LDLRAD4: variants seen among roughly 807,000 people sequenced by gnomAD.
LDLRAD4 encodes low density lipoprotein receptor class A domain containing 4.
A neutral mutation model predicts 17.0 loss-of-function variants in LDLRAD4; 5 were observed. The ratio of observed to expected loss-of-function variants is 0.29; its 90% CI spans 0.15 to 0.62. The LOEUF (loss-of-function observed/expected upper bound fraction) is 0.62. Ranked by LOEUF, LDLRAD4 falls within the 20% of genes least tolerant of loss-of-function variation. The probability of loss-of-function intolerance (pLI) is 0.84; values close to 1 mark genes in which losing one functional copy is unlikely to be tolerated. For missense variants in LDLRAD4, 340 were observed against 424.7 expected (o/e 0.80, Z 1.75); for synonymous variants, 168 against 171.8 (o/e 0.98, Z 0.17).
intron 4 of LDLRAD4, among the ~76,000 whole-genome samples, chr18:13,637,132 T>G (rs59234353): frequency 0.049 from 7,376 of 152,082 alleles, 567 homozygotes; most frequent in African/African-American, 0.16. Context: ...GTTGTTGTTG[T>G]TGTTTTTTAC....
intron 3 of LDLRAD4, among the ~76,000 whole-genome samples, chr18:13,495,181 A>G (rs2093442261): frequency 6.6e-6 from 1 of 152,198 alleles, no homozygotes; most frequent in Non-Finnish European, 1.5e-5. Context: ...AGTGTACACC[A>G]GTAAATCTAC....
At chr18:13,539,212 G>A (rs1053801120) in intron 3 of LDLRAD4, among the ~76,000 whole-genome samples, 6 of 152,254 alleles carry the variant, frequency 3.9e-5, no homozygotes, top group Admixed American at 2.6e-4. Context: ...AGACCTCTGG[G>A]GAGACATGGG....
At chr18:13,462,067 G>A (rs1449382638) in intron 3 of LDLRAD4, 3 of 152,216 alleles carry the variant, frequency 2.0e-5, no homozygotes, top group Non-Finnish European at 4.4e-5. Flanking sequence ...CCTGCCTCAT[G>A]GGGTCACTGC....
intron 3 of LDLRAD4, among the ~76,000 whole-genome samples, chr18:13,601,672 A>G (rs137939920): frequency 3.9e-5 from 6 of 152,122 alleles, no homozygotes; most frequent in East Asian, 1.9e-4. Context: ...AAAAAGAAAA[A>G]AAAAGGAAAA....
At chr18:13,338,113 C>A (rs966135215) in intron 1 of LDLRAD4, among the ~76,000 whole-genome samples, 1 of 152,162 alleles carries the variant, frequency 6.6e-6, no homozygotes, top group Non-Finnish European at 1.5e-5. Context: ...ACTGCTGTGA[C>A]CCCGAAGGGA....
chr18:13,415,220 TC>T (rs1449211498), intron 2 of LDLRAD4, among the ~76,000 whole-genome samples: 1 of 152,144 alleles, frequency 6.6e-6, no homozygotes, highest in Non-Finnish European at 1.5e-5. Flanking sequence ...TTGAGTTTCC[TC>T]CTCAGTTAAG....
chr18:13,455,599 G>C (rs373671637), intron 3 of LDLRAD4, among the ~76,000 whole-genome samples: 94 of 152,274 alleles, frequency 6.2e-4, no homozygotes, highest in African/African-American at 2.1e-3. Context: ...CCTCTGATGA[G>C]CTGGGCCGGA....
At chr18:13,594,352 A>G (rs974789931) in intron 3 of LDLRAD4, among the ~76,000 whole-genome samples, 9 of 152,148 alleles carry the variant, frequency 5.9e-5, no homozygotes, top group Non-Finnish European at 1.3e-4. Context: ...TTGTTTGTGT[A>G]TACTCATAAT....
intron 1 of LDLRAD4, among the ~76,000 whole-genome samples, chr18:13,316,088 C>A (rs979525777): frequency 3.3e-5 from 5 of 152,170 alleles, no homozygotes; most frequent in Non-Finnish European, 7.3e-5. Context: ...GTGATACTGG[C>A]TGAGAAGTAT....
chr18:13,430,213 A>C (rs11663520), intron 2 of LDLRAD4, among the ~76,000 whole-genome samples: 56,424 of 152,052 alleles, frequency 0.37, 12,329 homozygotes, highest in Non-Finnish European at 0.49. Context: ...CTCTGTTGAT[A>C]CTGCCAGGTG....
intron 3 of LDLRAD4, among the ~76,000 whole-genome samples, chr18:13,535,959 C>T (rs933676909): frequency 1.2e-4 from 18 of 152,126 alleles, no homozygotes; most frequent in Non-Finnish European, 2.4e-4. Context: ...AATAAAGGAC[C>T]GTATAACATT....
At chr18:13,288,661 C>T (rs112124855) in intron 1 of LDLRAD4, among the ~76,000 whole-genome samples, 3,213 of 35,430 alleles carry the variant, frequency 0.091, 1 homozygote, top group South Asian at 0.2. Context: ...CACGGGGCCA[C>T]GGTAGCAGCC....
rs915974507 is a variant in LDLRAD4 at position 13,532,323 on chromosome 18, C to T, written c.182-88794C>T. Among the ~76,000 whole-genome samples, 3 of 152,310 alleles carry T rather than the reference C, an allele frequency of 2.0e-5. No homozygotes were observed. In the East Asian group the frequency reaches 5.8e-4, roughly 29 times the overall value. On this transcript the variant is annotated intron_variant, in intron 3 of 5. Coordinates refer to ENST00000359446, the Ensembl canonical transcript of LDLRAD4. ...ATACGTGACTATACATTCAAGATTG[C>T]GGCTGAAACTTCGGTGGTAGTATTC...
At chr18:13,637,542 G>A (rs999078679) in intron 4 of LDLRAD4, among the ~76,000 whole-genome samples, 2 of 152,148 alleles carry the variant, frequency 1.3e-5, no homozygotes, top group African/African-American at 4.8e-5. Context: ...CAATGAACTT[G>A]TTGTCTTTAA....
intron 3 of LDLRAD4, among the ~76,000 whole-genome samples, chr18:13,507,332 C>T (rs527931847): frequency 1.1e-3 from 160 of 152,236 alleles, no homozygotes; most frequent in African/African-American, 3.6e-3. Context: ...CCAACTTCCC[C>T]GCGAAGTCCC....
At chr18:13,433,145 A>T (rs2090449567) in intron 2 of LDLRAD4, among the ~76,000 whole-genome samples, 1 of 152,254 alleles carries the variant, frequency 6.6e-6, no homozygotes, top group African/African-American at 2.4e-5. Context: ...ATGGTAATTT[A>T]TGCTAATCTT....
Position 13,367,535 on chromosome 18 carries a change from GC to G in LDLRAD4, c.-382-19803del. On this transcript the variant is annotated intron_variant, in intron 1 of 5. Transcript: ENST00000359446. This position sits in a 1 kb window ranked among gnomAD's most constrained non-coding sequence, Gnocchi z 4.1. ...GCTTCCGTCCAGGCGGAGAGCCAGG[GC>G]CCGGGTGCTGCAGCAAGGCGGCTGT... 6.6e-6 allele frequency among the ~76,000 whole-genome samples: 1 copy of G among 152,348 alleles called. No individual in the cohort carries two copies. The highest frequency in any genetic ancestry group is 1.5e-5 in the Non-Finnish European group (1 of 68,038).
chr18:13,320,948 G>T (rs767265490), intron 1 of LDLRAD4, among the ~76,000 whole-genome samples: 2 of 152,194 alleles, frequency 1.3e-5, no homozygotes, highest in African/African-American at 2.4e-5. Context: ...CCACGCCTGT[G>T]TCTGCAGGTG....
intron 3 of LDLRAD4, chr18:13,522,327 TCTC>T (rs1486190415): frequency 6.6e-6 from 1 of 152,178 alleles, no homozygotes; most frequent in East Asian, 1.9e-4. Flanking sequence ...TTCTAGAAAA[TCTC>T]CTACAACAGA....
Sources: allele counts gnomAD v4.1 joint callset (sites outside exome capture counted in the v4.1 genomes callset), GRCh38; gene constraint gnomAD v4.1.1; non-coding constraint Gnocchi (gnomAD v3.1); transcripts MANE v1.5; gene names NCBI Gene and HGNC (gene_info 2026-07-23, HGNC 2026-07-21).